Variants in TRAP1 observed in about 807,000 individuals in gnomAD.
TRAP1 encodes TNF receptor associated protein 1.
In TRAP1, 102 loss-of-function variants were observed where a neutral mutation model predicts 89.1. The ratio of observed to expected loss-of-function variants is 1.15; its 90% CI spans 0.98 to 1.35. The LOEUF (loss-of-function observed/expected upper bound fraction) is 1.35. Ranked by LOEUF, TRAP1 falls within the 40% of genes most tolerant of loss-of-function variation. The pLI is 0.00. For missense variants in TRAP1, 1,256 were observed against 945.3 expected (o/e 1.33, Z -4.31); for synonymous variants, 508 against 388.0 (o/e 1.31, Z -3.64).
intron 11 of TRAP1, 97 bp from the exon 12 acceptor site, chr16:3,666,215 A>C: frequency 7.0e-7 from 1 of 1,428,128 alleles, no homozygotes; most frequent in Non-Finnish European, 9.4e-7. Context: ...CTAAGAATCA[A>C]AGAAGTGAAA....
chr16:3,687,022 C>T (rs1349305057), intron 3 of TRAP1: 1 of 152,170 alleles, frequency 6.6e-6, no homozygotes, highest in Non-Finnish European at 1.5e-5. Flanking sequence ...AACTCCTGCA[C>T]AGGGATGACG....
At chr16:3,686,197 T>C in intron 3 of TRAP1, 61 bp from the exon 4 acceptor site, 1 of 1,571,340 alleles carries the variant, frequency 6.4e-7, no homozygotes, top group Non-Finnish European at 8.7e-7. Flanking sequence ...AGGATCTATC[T>C]GGTCAGCTGC....
At chr16:3,658,905 A>C in intron 16 of TRAP1, 40 bp from the exon 17 acceptor site, 2 of 1,593,878 alleles carry the variant, frequency 1.3e-6, no homozygotes, top group Non-Finnish European at 1.7e-6. Context: ...GCTCAGTACC[A>C]CGTGCTGTGA....
chr16:3,702,104 C>A (rs1018470712), intron 1 of TRAP1, among the ~76,000 whole-genome samples: 1 of 151,934 alleles, frequency 6.6e-6, no homozygotes, highest in Non-Finnish European at 1.5e-5. Flanking sequence ...GCCTGGGCGA[C>A]ACAGTGAGAC....
chr16:3,696,047 C>T (rs1480238232), intron 1 of TRAP1, among the ~76,000 whole-genome samples: 1 of 152,174 alleles, frequency 6.6e-6, no homozygotes, highest in East Asian at 1.9e-4. Flanking sequence ...CGTGACAGGG[C>T]CCAGGCGCGA....
chr16:3,697,120 C>T (rs1205337680), intron 1 of TRAP1, among the ~76,000 whole-genome samples: 1 of 152,168 alleles, frequency 6.6e-6, no homozygotes, highest in Admixed American at 6.5e-5. Context: ...TACTAAAGTG[C>T]ATATCATCCT....
chr16:3,695,100 T>C (rs2051268705), intron 1 of TRAP1, among the ~76,000 whole-genome samples: 1 of 152,218 alleles, frequency 6.6e-6, no homozygotes, highest in Non-Finnish European at 1.5e-5. Flanking sequence ...GACACAGTCA[T>C]ACTGGATTAG....
At chr16:3,710,118 TC>T (rs1442003255) in intron 1 of TRAP1, among the ~76,000 whole-genome samples, 1 of 152,120 alleles carries the variant, frequency 6.6e-6, no homozygotes. Context: ...ACTTCATTCA[TC>T]AGGAAACATA....
Position 3,689,134 on chromosome 16 carries a change from G to C in TRAP1, c.251C>G (p.Ser84Cys). 1.9e-6 allele frequency: 3 copies of C among 1,613,214 alleles called. No individual in the cohort carries two copies. Among genetic ancestry groups the C allele is most frequent in the Non-Finnish European group, 2.5e-6 (3 of 1,179,552 alleles). Reference protein sequence around the residue: ...IISSTESVQGSTSKHEFQAET... With the variant: ...IISSTESVQGCTSKHEFQAET... ...GGCCTGGAACTCATGTTTGGAAGTG[G>C]AACCTAGTAATGAAACACAGACACA... is the stretch of plus-strand genomic sequence containing the variant. The change falls in exon 3 of 18, where the codon TCC (serine) becomes TGC (cysteine). Residue 84 changes from serine to cysteine, a missense_variant. By Grantham distance (112) the Ser-to-Cys change is moderately radical (BLOSUM62 -1). Transcript: ENST00000246957.
rs1169834555 is a variant in TRAP1, at chr16:3,675,962, A to G, written c.814+74T>C. 5 of 1,321,782 alleles carry G rather than the reference A, an allele frequency of 3.8e-6. No individual in the cohort carries two copies. In the African/African-American group the frequency reaches 5.9e-5, roughly 16 times the overall value. 81.9% of individuals were successfully genotyped at this position (1,321,782 alleles called of 1,614,324 possible). A position where few individuals can be genotyped will look rare whatever the true frequency, so the allele number is the denominator to read the frequency against. On this transcript the variant is annotated intron_variant, in intron 7 of 17. Transcript: ENST00000246957. ...CCTACGTGCAGGTAGAACCAGGGAA[A>G]ATGCCTGCTGACCTGGTGGCCTCCA...
At position 3,658,797 on chromosome 16, in the gene TRAP1, T is replaced by C. The variant is rs188805910; in HGVS notation, c.2009A>G (p.Asp670Gly). Residue 670 changes from aspartate to glycine, a missense_variant, in exon 17 of 18, where the codon GAT (aspartate) becomes GGT (glycine). Asp to Gly is a moderately conservative substitution (Grantham distance 94). Coordinates refer to ENST00000246957, the MANE Select transcript of TRAP1 (RefSeq NM_016292.3). ...ATCCTAAGCTGCTGCACTCACCTGA[T>C]CCACCAGCAGCTGAGCCAGGCCAGG... ...SEPGLAQLLVDQIYENAMIAA... is the reference protein window; with the variant it reads ...SEPGLAQLLVGQIYENAMIAA... 5 of 1,613,690 alleles carry C rather than the reference T, an allele frequency of 3.1e-6. No individual in the cohort carries two copies. In the Admixed American group the frequency reaches 8.3e-5, roughly 27 times the overall value.
chr16:3,675,817 C>T (rs140734547), intron 7 of TRAP1, among the ~76,000 whole-genome samples: 7 of 152,326 alleles, frequency 4.6e-5, no homozygotes, highest in East Asian at 1.9e-4. Flanking sequence ...GGAGGAGGTC[C>T]GCCTCAGCCA....
intron 16 of TRAP1, 49 bp downstream of exon 16, chr16:3,661,938 G>A (rs757319468): frequency 1.9e-6 from 3 of 1,539,628 alleles, no homozygotes; most frequent in Middle Eastern, 1.7e-4. Flanking sequence ...ACCACACACA[G>A]GATTCTGGGG....
In TRAP1 at chr16:3,717,429, A is replaced by T. The variant is rs558230621; in HGVS notation, c.80T>A (p.Val27Glu). Reference protein sequence around the residue: ...PLLRAPALAAVPGGKPILCPR... With the variant: ...PLLRAPALAAEPGGKPILCPR... ...AGCCAGGACGCCCTCACCTCCCGGCACGGCCGCCAGCGCCGGCGCCCGCAG... is the reference window on the plus strand; with the variant it reads ...AGCCAGGACGCCCTCACCTCCCGGCTCGGCCGCCAGCGCCGGCGCCCGCAG... Residue 27 changes from valine to glutamate, a missense_variant, in exon 1 of 18, where the codon GTG becomes GAG. Transcript: ENST00000246957. 1 of 1,239,146 alleles carries T rather than the reference A, an allele frequency of 8.1e-7. No homozygotes were observed. 76.8% of individuals were successfully genotyped at this position (1,239,146 alleles called of 1,614,324 possible). A position where few individuals can be genotyped will look rare whatever the true frequency, so the allele number is the denominator to read the frequency against.
intron 17 of TRAP1, 137 bp downstream of exon 17, chr16:3,658,648 GGCAACAGA>G (rs1387741797): frequency 2.5e-6 from 2 of 795,488 alleles, no homozygotes; most frequent in African/African-American, 1.7e-5. Context: ...ACTCCAGCCT[GGCAACAGA>G]GCAACACTCC....
chr16:3,698,285 T>G (rs1284884479), intron 1 of TRAP1, among the ~76,000 whole-genome samples: 1 of 151,926 alleles, frequency 6.6e-6, no homozygotes, highest in Admixed American at 6.6e-5. Flanking sequence ...AAAAGCAGAT[T>G]TGATTTCAGG....
chr16:3,692,893 C>T (rs2151271937), intron 1 of TRAP1, among the ~76,000 whole-genome samples: 1 of 152,060 alleles, frequency 6.6e-6, no homozygotes, highest in African/African-American at 2.4e-5. Context: ...GCCACCGTGC[C>T]CAGCCAAAAC....
At chr16:3,663,333 C>G (rs1021293188) in intron 14 of TRAP1, 91 bp downstream of exon 14, 4 of 1,550,404 alleles carry the variant, frequency 2.6e-6, no homozygotes, top group African/African-American at 2.7e-5. Context: ...GGTCAACTGA[C>G]GAAAACCCAA....
Position 3,677,521 on chromosome 16 carries a change from C to G in TRAP1, c.681G>C (p.Leu227=). ...VYSRSAAPGS[L]GYQWLSDGSG... Reference sequence around the variant, plus strand: ...ACCCATCTGAAAGCCACTGGTAACCCAGGCTCCCCGGGGCTGCCGAGCGGG... The same window carrying G: ...ACCCATCTGAAAGCCACTGGTAACCGAGGCTCCCCGGGGCTGCCGAGCGGG... The change falls in exon 6 of 18, where the codon CTG becomes CTC. Residue 227 remains leucine, a synonymous_variant. Transcript: ENST00000246957. 1 of 1,614,216 alleles carries G rather than the reference C, an allele frequency of 6.2e-7. No individual in the cohort carries two copies.
Sources: allele counts gnomAD v4.1 joint callset (sites outside exome capture counted in the v4.1 genomes callset), GRCh38; gene constraint gnomAD v4.1.1; transcripts MANE v1.5; gene names NCBI Gene and HGNC (gene_info 2026-07-23, HGNC 2026-07-21).